The following CTNND2 variants were observed in gnomAD, a reference collection of about 807,000 sequenced individuals.
CTNND2 encodes catenin delta-2.
CTNND2 carries 22 observed loss-of-function variants against 144.4 expected under a neutral mutation model. The observed-to-expected ratio is 0.15, with a 90% CI of 0.11 to 0.22. CTNND2 has a LOEUF of 0.22. CTNND2 is among the 10% of genes least tolerant of loss of function. CTNND2 has a pLI of 1.00. For synonymous variants in CTNND2, 751 were observed against 695.6 expected (o/e 1.08, Z -1.25); for missense variants, 1,353 against 1,618.8 (o/e 0.84, Z 2.82).
chr5:11,537,204 G>A (rs1314082926), intron 3 of CTNND2, among the ~76,000 whole-genome samples: 1 of 151,984 alleles, frequency 6.6e-6, no homozygotes, highest in Non-Finnish European at 1.5e-5. Context: ...TTTGTTTTAG[G>A]TATTAATTAA....
chr5:11,307,445 G>A (rs1222077743), intron 9 of CTNND2, among the ~76,000 whole-genome samples: 2 of 152,090 alleles, frequency 1.3e-5, no homozygotes, highest in African/African-American at 4.8e-5. Context: ...GCAAGGCAAG[G>A]CCTGCTTTGG....
chr5:11,443,498 C>T (rs173610), intron 3 of CTNND2, among the ~76,000 whole-genome samples: 33,048 of 151,230 alleles, frequency 0.22, 6,965 homozygotes, highest in African/African-American at 0.56. Context: ...CATATGTCTT[C>T]ACACAAGCAT....
intron 9 of CTNND2, among the ~76,000 whole-genome samples, chr5:11,306,709 A>G (rs1750247135): frequency 6.6e-6 from 1 of 152,242 alleles, no homozygotes; most frequent in African/African-American, 2.4e-5. Context: ...ACATATGCAT[A>G]GGAATGTCTG....
intron 12 of CTNND2, among the ~76,000 whole-genome samples, chr5:11,129,460 A>G (rs13189665): frequency 0.69 from 100,722 of 146,474 alleles, 34,714 homozygotes; most frequent in East Asian, 0.82. Context: ...GGCCCTCTGC[A>G]TGAGCAACAC....
intron 6 of CTNND2, among the ~76,000 whole-genome samples, chr5:11,395,367 C>G (rs1759994619): frequency 6.6e-6 from 1 of 152,204 alleles, no homozygotes; most frequent in Non-Finnish European, 1.5e-5. Flanking sequence ...GGTTTCCCTT[C>G]TGTTAGTAGA....
At chr5:11,470,974 ATATATAT>A (rs1449530565) in intron 3 of CTNND2, among the ~76,000 whole-genome samples, 1 of 98,124 alleles carries the variant, frequency 1.0e-5, no homozygotes, top group African/African-American at 5.1e-5. Context: ...ATATATATAT[ATATATAT>A]TTTTTTTTTT....
intron 16 of CTNND2, among the ~76,000 whole-genome samples, chr5:11,062,857 C>T (rs1400214823): frequency 6.6e-6 from 1 of 152,190 alleles, no homozygotes; most frequent in African/African-American, 2.4e-5. Context: ...TTTTACAAAA[C>T]CAGGTCAATT....
chr5:11,800,245 A>G (rs895409181), intron 1 of CTNND2, among the ~76,000 whole-genome samples: 4 of 152,204 alleles, frequency 2.6e-5, no homozygotes, highest in Non-Finnish European at 4.4e-5. Context: ...TTTTCCCTCT[A>G]TAGTCACCTA....
intron 12 of CTNND2, among the ~76,000 whole-genome samples, chr5:11,121,233 C>T (rs1006563375): frequency 3.3e-5 from 5 of 152,254 alleles, no homozygotes; most frequent in Admixed American, 6.5e-5. Flanking sequence ...TAACCTTCCG[C>T]GATGCTCACT....
intron 9 of CTNND2, among the ~76,000 whole-genome samples, chr5:11,263,168 C>A (rs573359166): frequency 9.9e-5 from 15 of 152,272 alleles, no homozygotes; most frequent in African/African-American, 3.6e-4. Flanking sequence ...TCTAAATTTT[C>A]TTTTTCCATT....
At chr5:11,028,911 T>A (rs964936163) in intron 16 of CTNND2, among the ~76,000 whole-genome samples, 13 of 152,334 alleles carry the variant, frequency 8.5e-5, no homozygotes, top group South Asian at 4.1e-4. Context: ...GGTGTCACTA[T>A]GTTGGCCAGG....
At chr5:11,580,926 C>T (rs1381145810) in intron 2 of CTNND2, among the ~76,000 whole-genome samples, 2 of 152,144 alleles carry the variant, frequency 1.3e-5, no homozygotes, top group African/African-American at 4.8e-5. Flanking sequence ...TAGAAGCCCC[C>T]TCCTCCTCTG....
In CTNND2 at chr5:11,330,253, C is replaced by T. The variant is rs566358896; in HGVS notation, c.1628+16119G>A. Among the ~76,000 whole-genome samples, 1,339 of 147,726 alleles carry T rather than the reference C, an allele frequency of 9.1e-3. 14 individuals are homozygous for T. The highest frequency in any genetic ancestry group is 0.032 in the African/African-American group (1,268 of 39,664). ...TTGGGAGGCTGAGGCGGGCGGATCA[C>T]GAGGTCAGGAGATCGAGACCTTCCT... On this transcript the variant is annotated intron_variant, in intron 9 of 21. Coordinates refer to ENST00000304623, the MANE Select transcript of CTNND2 (RefSeq NM_001332.4).
chr5:11,682,701 C>T (rs1784470189), intron 2 of CTNND2, among the ~76,000 whole-genome samples: 2 of 152,102 alleles, frequency 1.3e-5, no homozygotes, highest in Non-Finnish European at 2.9e-5. Context: ...CAGAAAATTA[C>T]TGAACACCAA....
At chr5:11,224,906 G>C (rs936312069) in intron 10 of CTNND2, among the ~76,000 whole-genome samples, 3 of 151,848 alleles carry the variant, frequency 2.0e-5, no homozygotes, top group Non-Finnish European at 2.9e-5. Flanking sequence ...TACTTTCTCA[G>C]TCATTTTTGG....
chr5:11,404,125 T>A (rs1760872226), intron 5 of CTNND2, among the ~76,000 whole-genome samples: 1 of 152,196 alleles, frequency 6.6e-6, no homozygotes, highest in South Asian at 2.1e-4. Flanking sequence ...GTCAGGGACA[T>A]GATGTTGTTA....
chr5:11,382,285 A>G (rs1470912075), intron 7 of CTNND2, among the ~76,000 whole-genome samples: 1 of 152,166 alleles, frequency 6.6e-6, no homozygotes, highest in Admixed American at 6.5e-5. Context: ...ATGGCAGTAC[A>G]TAAAAGGTGC....
chr5:11,848,134 T>G (rs1414482005), intron 1 of CTNND2, among the ~76,000 whole-genome samples: 1 of 152,142 alleles, frequency 6.6e-6, no homozygotes, highest in Admixed American at 6.6e-5. Flanking sequence ...TCTTTACACT[T>G]TAATTTCTTT....
Position 11,714,734 on chromosome 5 carries a change from G to A in CTNND2, c.174+17402C>T, listed in dbSNP as rs535105538. 7.2e-5 allele frequency among the ~76,000 whole-genome samples: 11 copies of A among 151,730 alleles called. No homozygotes were observed. The East Asian group carries it at 1.7e-3, about 24-fold the overall frequency. ...ATCCTGGCTAACACAGTGAAACCCC[G>A]TCTCTACTAAAAATACAAAAAAAAA... is the stretch of plus-strand genomic sequence containing the variant. On this transcript the variant is annotated intron_variant, in intron 2 of 21. Transcript: ENST00000304623.
Sources: allele counts gnomAD v4.1 joint callset (sites outside exome capture counted in the v4.1 genomes callset), GRCh38; gene constraint gnomAD v4.1.1; transcripts MANE v1.5; gene names NCBI Gene and HGNC (gene_info 2026-07-23, HGNC 2026-07-21).